ZBTB11: variants seen among roughly 807,000 people sequenced by gnomAD.
The protein encoded by ZBTB11 is zinc finger and BTB domain-containing protein 11.
ZBTB11 carries 68 observed loss-of-function variants against 113.1 expected under a neutral mutation model. The observed-to-expected ratio is 0.60, with a 90% CI of 0.49 to 0.74. ZBTB11 has a LOEUF of 0.74. Among genes scored for constraint, ZBTB11 ranks in the 30% least tolerant of loss-of-function variants. The pLI is 0.00. For synonymous variants in ZBTB11, 518 were observed against 452.6 expected, an observed-to-expected ratio of 1.14 and a Z score of -1.83; for missense variants, 1,104 against 1,279.4, an observed-to-expected ratio of 0.86 and a Z score of 2.09.
At chr3:101,655,640 T>C (rs958417335) in intron 7 of ZBTB11, among the ~76,000 whole-genome samples, 6 of 152,086 alleles carry the variant, frequency 3.9e-5, no homozygotes, top group Non-Finnish European at 5.9e-5. Flanking sequence ...CAAACATAGC[T>C]GTAAAACCAG....
rs954950889 is a variant in ZBTB11, at chr3:101,676,528, A to G, written c.310+77T>C. 4 of 1,365,182 alleles carry G rather than the reference A, an allele frequency of 2.9e-6. No homozygotes were observed. The African/African-American group carries it at 4.6e-5, about 16-fold the overall frequency. The allele number at this position is 1,365,182 out of a possible 1,614,324, so 84.6% of individuals were successfully genotyped here. A position where few individuals can be genotyped will look rare whatever the true frequency, so the allele number is the denominator to read the frequency against. On this transcript the variant is annotated intron_variant, in intron 1 of 10. Transcript: ENST00000312938. ...GTCCGAGACCCTCCGACTCGTGGGT[A>G]CGCATAGGCCTCGCCAGCGAGCCTT...
At position 101,676,853 on chromosome 3, in the gene ZBTB11, T is replaced by A. The variant is rs760710822; in HGVS notation, c.62A>T (p.Tyr21Phe). 1.2e-6 allele frequency: 2 copies of A among 1,610,596 alleles called. No homozygotes were observed. The highest frequency in any genetic ancestry group is 2.2e-5 in the South Asian group (2 of 90,888). Residue 21 changes from tyrosine to phenylalanine, a missense_variant, in exon 1 of 11, where the codon TAT becomes TTT. Tyr to Phe is a conservative substitution (Grantham distance 22). This residue lies in a region of ZBTB11 where 245 missense variants were observed against 272.5 expected (regional missense o/e 0.90). Coordinates refer to ENST00000312938, the MANE Select transcript of ZBTB11 (RefSeq NM_014415.4). ...GACATTGCCCTCGGTGCCCGGCGCA[T>A]ACGGCTCGCGCTCGTTCGTCAGGTA... ...LRYLTNEREP[Y>F]APGTEGNVKR...
In ZBTB11 at chr3:101,656,260, C is replaced by T. The variant is rs748016513; in HGVS notation, c.2047-12G>A. ...GTCTTTCCACAGACCTAAGATAGAA[C>T]AGGGGTGATTAAGTCAATAAAACAA... On this transcript the variant is annotated splice_polypyrimidine_tract_variant and intron_variant, in intron 6 of 10. Coordinates refer to ENST00000312938, the MANE Select transcript of ZBTB11 (RefSeq NM_014415.4). 1.4e-6 allele frequency: 2 copies of T among 1,449,672 alleles called. No homozygotes were observed. Among genetic ancestry groups the T allele is most frequent in the Non-Finnish European group, 1.8e-6 (2 of 1,095,154 alleles). 89.8% of individuals were successfully genotyped at this position (1,449,672 alleles called of 1,614,324 possible).
In ZBTB11 at chr3:101,664,995, C is replaced by A; in HGVS notation, c.1592G>T (p.Arg531Leu). The change falls in exon 4 of 11, where the codon CGG becomes CTG. Residue 531 changes from arginine (R) to leucine (L), a missense_variant. Transcript: ENST00000312938. ...AACTGCTGACTTGGGAACGGCTTTC[C>A]GTTTCTGCAGCTTTTTCTCCATTCC... Reference protein sequence around the residue: ...HKGMEKKLQKRKAVPKSAVQQ... With the variant: ...HKGMEKKLQKLKAVPKSAVQQ... 1.2e-6 allele frequency: 2 copies of A among 1,612,276 alleles called. No individual in the cohort carries two copies. The highest frequency in any genetic ancestry group is 2.2e-5 in the South Asian group (2 of 90,798).
At chr3:101,664,291 T>C (rs1452509584) in intron 5 of ZBTB11, among the ~76,000 whole-genome samples, 1 of 152,236 alleles carries the variant, frequency 6.6e-6, no homozygotes, top group Non-Finnish European at 1.5e-5. Context: ...TTCTGCCTTT[T>C]CATGAGTTAC....
intron 3 of ZBTB11, among the ~76,000 whole-genome samples, chr3:101,670,212 C>T (rs1484095211): frequency 2.0e-5 from 3 of 152,106 alleles, no homozygotes; most frequent in African/African-American, 7.2e-5. Flanking sequence ...AACAATAAAG[C>T]ATAAAAGGAT....
At chr3:101,666,057 T>A (rs1399684023) in intron 3 of ZBTB11, among the ~76,000 whole-genome samples, 2 of 152,116 alleles carry the variant, frequency 1.3e-5, no homozygotes, top group Non-Finnish European at 1.5e-5. Context: ...TGTAAGGCAG[T>A]CATTTTCAAA....
At chr3:101,660,159 G>C in intron 5 of ZBTB11, 131 bp from the exon 6 acceptor site, 1 of 881,826 alleles carries the variant, frequency 1.1e-6, no homozygotes, top group East Asian at 2.6e-5. Context: ...AAAAACAATA[G>C]GTACTAGATT....
At chr3:101,660,608 T>C (rs1423287672) in intron 5 of ZBTB11, among the ~76,000 whole-genome samples, 1 of 152,198 alleles carries the variant, frequency 6.6e-6, no homozygotes, top group Non-Finnish European at 1.5e-5. Context: ...TCTCTCTTGA[T>C]GCTTCCCTTT....
chr3:101,673,244 T>C (rs1032794928), intron 1 of ZBTB11, among the ~76,000 whole-genome samples: 2 of 152,170 alleles, frequency 1.3e-5, no homozygotes, highest in African/African-American at 2.4e-5. Flanking sequence ...ATTCCCATTC[T>C]ATACAAGAGG....
intron 3 of ZBTB11, among the ~76,000 whole-genome samples, chr3:101,668,777 A>C (rs1402100023): frequency 1.3e-5 from 2 of 152,210 alleles, no homozygotes; most frequent in African/African-American, 2.4e-5. Context: ...AAATATGTAC[A>C]ACTATTACAT....
chr3:101,669,539 G>A (rs34103639), intron 3 of ZBTB11, among the ~76,000 whole-genome samples: 19,039 of 151,954 alleles, frequency 0.13, 1,232 homozygotes, highest in South Asian at 0.22. Flanking sequence ...CCAGAAAAGA[G>A]CAACACTCAT....
intron 4 of ZBTB11, 28 bp from the exon 5 acceptor site, chr3:101,664,742 A>C: frequency 3.2e-6 from 5 of 1,552,690 alleles, no homozygotes; most frequent in Non-Finnish European, 4.3e-6. Context: ...TCACAATCTA[A>C]GTAAATCTAC....
chr3:101,658,000 T>TA (rs1336347318), intron 6 of ZBTB11, among the ~76,000 whole-genome samples: 1 of 152,082 alleles, frequency 6.6e-6, no homozygotes, highest in Admixed American at 6.6e-5. Context: ...ACCCTGTCTT[T>TA]AAAAAATCTG....
intron 6 of ZBTB11, among the ~76,000 whole-genome samples, chr3:101,659,367 A>C (rs1223693765): frequency 6.6e-6 from 1 of 152,206 alleles, no homozygotes; most frequent in Non-Finnish European, 1.5e-5. Context: ...CTTGAGTCTT[A>C]TTTTGGCATT....
chr3:101,673,717 T>C (rs1224946363), intron 1 of ZBTB11, among the ~76,000 whole-genome samples: 1 of 151,962 alleles, frequency 6.6e-6, no homozygotes, highest in Non-Finnish European at 1.5e-5. Flanking sequence ...GTTTCACTAT[T>C]TTTGCCAGGC....
chr3:101,664,415 TAAG>T (rs1187057025), intron 5 of ZBTB11, 120 bp downstream of exon 5: 26 of 948,174 alleles, frequency 2.7e-5, no homozygotes, highest in South Asian at 2.0e-4. Flanking sequence ...CACATTTAAA[TAAG>T]AAGATGACTC....
chr3:101,656,540 T>C (rs1936801841), intron 6 of ZBTB11, among the ~76,000 whole-genome samples: 2 of 152,170 alleles, frequency 1.3e-5, no homozygotes, highest in South Asian at 4.1e-4. Flanking sequence ...GTAAACAGTA[T>C]ACCTTATATT....
At chr3:101,676,524 G>A (rs1937176944) in intron 1 of ZBTB11, 81 bp downstream of exon 1, 3 of 1,357,846 alleles carry the variant, frequency 2.2e-6, no homozygotes, top group South Asian at 1.7e-5. Context: ...TCCGACTCGT[G>A]GGTACGCATA....
Sources: allele counts gnomAD v4.1 joint callset (sites outside exome capture counted in the v4.1 genomes callset), GRCh38; gene constraint gnomAD v4.1.1; regional missense constraint gnomAD v4.1.1; transcripts MANE v1.5; gene names NCBI Gene and HGNC (gene_info 2026-07-23, HGNC 2026-07-21).